SERPINB10: variants seen among roughly 807,000 people sequenced by gnomAD.
The protein encoded by SERPINB10 is serpin B10.
SERPINB10 carries 35 observed loss-of-function variants against 39.1 expected under a neutral mutation model. That is an observed-to-expected ratio of 0.90 (90% CI 0.68 to 1.19). The LOEUF is 1.19. Ranked by LOEUF, SERPINB10 falls within the 50% of genes most tolerant of loss-of-function variation. The pLI, the probability that SERPINB10 is intolerant of heterozygous loss-of-function variation, is 0.00. For synonymous variants in SERPINB10, 190 were observed against 158.1 expected (o/e 1.20, Z -1.52); for missense variants, 546 against 460.5 (o/e 1.19, Z -1.70).
rs566457234 is a variant in SERPINB10 at position 63,930,040 on chromosome 18, T to TA, written c.491-4dup. 74 of 1,612,926 alleles carry TA rather than the reference T, an allele frequency of 4.6e-5. No individual in the cohort carries two copies. The Admixed American group carries it at 9.5e-4, about 21-fold the overall frequency. On this transcript the variant is annotated splice_region_variant and splice_polypyrimidine_tract_variant and intron_variant, in intron 5 of 7. Coordinates refer to ENST00000238508, the MANE Select transcript of SERPINB10 (RefSeq NM_005024.3). The stretch of plus-strand genomic sequence containing the variant: ...TCATTTGCAACCTGCCTTTTGTTCT[T>TA]ACAGGTAAAATCCAGAATCTCCTGC...
chr18:63,935,160 A>G lies in SERPINB10; in HGVS notation c.1112A>G (p.Asn371Ser), dbSNP rs149546174. Residue 371 changes from asparagine to serine, a missense_variant, in exon 8 of 8, where the codon AAT (asparagine) becomes AGT (serine). Coordinates refer to ENST00000238508, the MANE Select transcript of SERPINB10 (RefSeq NM_005024.3). ...IRIRVPSIEF[N>S]ANHPFLFFIR... The stretch of plus-strand genomic sequence containing the variant: ...ATTAGAGTCCCATCCATTGAATTCA[A>G]TGCAAATCACCCATTCCTCTTCTTC... 1.0e-3 allele frequency: 1,663 copies of G among 1,613,320 alleles called. 2 individuals carry two copies. The highest frequency in any genetic ancestry group is 1.3e-3 in the Non-Finnish European group (1,533 of 1,179,990).
At chr18:63,930,289 A>G in intron 6 of SERPINB10, 102 bp downstream of exon 6, 1 of 1,311,616 alleles carries the variant, frequency 7.6e-7, no homozygotes, top group Middle Eastern at 2.4e-4. Flanking sequence ...CTAGTGAACT[A>G]TGGCTCTTAC....
intron 5 of SERPINB10, among the ~76,000 whole-genome samples, chr18:63,920,190 A>G (rs2050136763): frequency 6.6e-6 from 1 of 152,088 alleles, no homozygotes; most frequent in African/African-American, 2.4e-5. Flanking sequence ...AAAAGCAGAA[A>G]AATGCAAAAA....
rs752508618 is a variant in SERPINB10, at chr18:63,917,530, T to G, written c.234+9T>G. On this transcript the variant is annotated intron_variant, in intron 3 of 7. Transcript: ENST00000238508. ...AAAAAAAAAGGAAAATGGTATATCT[T>G]ATCCTTTAATATATATTTCATAATT... The G allele has an allele frequency of 3.5e-6, 5 of 1,428,518 alleles. No individual in the cohort carries two copies. The Admixed American group carries it at 6.3e-5, about 18-fold the overall frequency. 88.5% of individuals were successfully genotyped at this position (1,428,518 alleles called of 1,614,324 possible).
At position 63,933,174 on chromosome 18, in the gene SERPINB10, C is replaced by T; in HGVS notation, c.760C>T (p.Leu254=). ...KSRDLSLLIL[L]PEDINGLEQL... ...CCGTGACCTCAGCCTGCTTATACTA[C>T]TGCCAGAAGACATTAATGGGCTGGA... The change falls in exon 7 of 8, where the codon CTG becomes TTG. Residue 254 remains leucine (L), a synonymous_variant. Transcript: ENST00000238508. The T allele has an allele frequency of 1.2e-6, 2 of 1,614,042 alleles. No individual in the cohort carries two copies. The highest frequency in any genetic ancestry group is 1.7e-6 in the Non-Finnish European group (2 of 1,179,938).
At chr18:63,930,901 C>T (rs1041336271) in intron 6 of SERPINB10, among the ~76,000 whole-genome samples, 3 of 152,142 alleles carry the variant, frequency 2.0e-5, no homozygotes, top group African/African-American at 7.2e-5. Context: ...AGGTTTGTTA[C>T]AGTTGTTTAG....
At chr18:63,920,045 A>C in intron 5 of SERPINB10, 140 bp downstream of exon 5, 1 of 475,570 alleles carries the variant, frequency 2.1e-6, no homozygotes, top group African/African-American at 2.1e-5. Flanking sequence ...ATTTATTTCT[A>C]TTCATGTACG....
chr18:63,913,361 G>C (rs1291158164), intron 1 of SERPINB10, among the ~76,000 whole-genome samples: 1 of 151,896 alleles, frequency 6.6e-6, no homozygotes, highest in African/African-American at 2.4e-5. Flanking sequence ...GTCTAGGTCT[G>C]ATGTTCGATA....
At chr18:63,931,745 T>C (rs1243529633) in intron 6 of SERPINB10, among the ~76,000 whole-genome samples, 1 of 152,194 alleles carries the variant, frequency 6.6e-6, no homozygotes, top group Non-Finnish European at 1.5e-5. Flanking sequence ...TAATTGATGA[T>C]CTAATATTGA....
chr18:63,930,206 T>C lies in SERPINB10; in HGVS notation c.633+19T>C, dbSNP rs781267274. Reference sequence around the variant, plus strand: ...AAACGAGGTAGGAAATTTTTAAAGATCAGTTTGGATTTTCACATGGCATTG... The same window carrying C: ...AAACGAGGTAGGAAATTTTTAAAGACCAGTTTGGATTTTCACATGGCATTG... On this transcript the variant is annotated intron_variant, in intron 6 of 7. Transcript: ENST00000238508. 1.9e-6 allele frequency: 3 copies of C among 1,610,556 alleles called. No homozygotes were observed. The highest frequency in any genetic ancestry group is 2.5e-6 in the Non-Finnish European group (3 of 1,178,494).
chr18:63,917,963 A>G lies in SERPINB10; in HGVS notation c.235-2A>G, dbSNP rs1480774100. ...ATTTGACTAGTTCCTTCTCTTTTAA[A>G]GGAATTCAACTTGAGCAACTCGGAA... On this transcript the variant is annotated splice_acceptor_variant, in intron 3 of 7. Transcript: ENST00000238508. LOFTEE classifies it high-confidence loss of function. 6.2e-7 allele frequency: 1 copy of G among 1,611,134 alleles called. No homozygotes were observed. The highest frequency in any genetic ancestry group is 2.2e-5 in the East Asian group (1 of 44,750).
At chr18:63,910,474 T>C (rs2050055883) in intron 1 of SERPINB10, among the ~76,000 whole-genome samples, 1 of 151,936 alleles carries the variant, frequency 6.6e-6, no homozygotes, top group Non-Finnish European at 1.5e-5. Flanking sequence ...CCCATTCTAG[T>C]AGTCCCCAGT....
rs2050132834 is a variant in SERPINB10 at position 63,919,787 on chromosome 18, G to A, written c.373-1G>A. 6.4e-7 allele frequency: 1 copy of A among 1,567,088 alleles called. No individual in the cohort carries two copies. The highest frequency in any genetic ancestry group is 2.3e-5 in the East Asian group (1 of 44,166). On this transcript the variant is annotated splice_acceptor_variant, in intron 4 of 7. Transcript: ENST00000238508. LOFTEE classifies it high-confidence loss of function. ...AGGGGATTTTTATCTATGTCTTTCA[G>A]AAATATTTAGAAGACATGAAAACAT...
chr18:63,921,319 C>G (rs757707667), intron 5 of SERPINB10, among the ~76,000 whole-genome samples: 4 of 151,878 alleles, frequency 2.6e-5, no homozygotes, highest in Non-Finnish European at 2.9e-5. Flanking sequence ...CCAAGGGTCC[C>G]ATGCATTTCA....
Position 63,933,037 on chromosome 18 carries a change from G to GT in SERPINB10, c.634-3dup, listed in dbSNP as rs750983969. 44 of 1,593,656 alleles carry GT rather than the reference G, an allele frequency of 2.8e-5. No individual in the cohort carries two copies. The highest frequency in any genetic ancestry group is 6.7e-5 in the East Asian group (3 of 44,786). On this transcript the variant is annotated splice_polypyrimidine_tract_variant and intron_variant, in intron 6 of 7. Transcript: ENST00000238508. Reference sequence around the variant, plus strand: ...TTGTTACCTGTTTTTTTGTTTTTTTGTTTTTTTTAGACTACAAGCAAACCA... The same window carrying GT: ...TTGTTACCTGTTTTTTTGTTTTTTTGTTTTTTTTTAGACTACAAGCAAACCA...
Position 63,929,797 on chromosome 18 carries a change from A to C in SERPINB10, c.491-248A>C, listed in dbSNP as rs372642593. Among the ~76,000 whole-genome samples, 7 of 151,778 alleles carry C rather than the reference A, an allele frequency of 4.6e-5. No homozygotes were observed. In the South Asian group the frequency reaches 8.3e-4, roughly 18 times the overall value. ...TTACAGGGAAGTTTTTATAATTAAA[A>C]TGCAAATTTGTACTTTATGTGGAAT... On this transcript the variant is annotated intron_variant, in intron 5 of 7. Transcript: ENST00000238508.
intron 5 of SERPINB10, among the ~76,000 whole-genome samples, chr18:63,929,712 C>CAAAAAAAAAAAAAAAAAAAAAGAAA (rs2050206364): frequency 1.0e-5 from 1 of 97,332 alleles, no homozygotes; most frequent in Non-Finnish European, 2.5e-5. Flanking sequence ...AGCTAAAGTG[C>CAAAAAAAAAAAAAAAAAAAAAGAAA]AAAAAAAAAA....
At chr18:63,931,993 A>G (rs1599093713) in intron 6 of SERPINB10, among the ~76,000 whole-genome samples, 1 of 152,128 alleles carries the variant, frequency 6.6e-6, no homozygotes, top group Admixed American at 6.5e-5. Context: ...AATGTCACAT[A>G]GTTGTAATCA....
chr18:63,909,875 G>T (rs1248634533), intron 1 of SERPINB10, among the ~76,000 whole-genome samples: 1 of 152,058 alleles, frequency 6.6e-6, no homozygotes, highest in Non-Finnish European at 1.5e-5. Context: ...GAGGAAGAAA[G>T]TCACAGGCAA....
Sources: allele counts gnomAD v4.1 joint callset (sites outside exome capture counted in the v4.1 genomes callset), GRCh38; gene constraint gnomAD v4.1.1; transcripts MANE v1.5; gene names NCBI Gene and HGNC (gene_info 2026-07-23, HGNC 2026-07-21).